The following USH2A variants were observed in gnomAD, a reference collection of about 807,000 sequenced individuals.
USH2A encodes Usher syndrome 2A (autosomal recessive, mild).
USH2A carries 443 observed loss-of-function variants against 538.9 expected under a neutral mutation model. That is an observed-to-expected ratio of 0.82 (90% CI 0.76 to 0.89). The LOEUF is 0.89. Ranked by LOEUF, USH2A falls within the 40% of genes least tolerant of loss-of-function variation. The probability of loss-of-function intolerance (pLI) is 0.00; values close to 1 mark genes in which losing one functional copy is unlikely to be tolerated. For synonymous variants in USH2A, 2,413 were observed against 2,273.5 expected, an observed-to-expected ratio of 1.06 and a Z score of -1.75; for missense variants, 6,633 against 6,324.8, an observed-to-expected ratio of 1.05 and a Z score of -1.65.
chr1:215,925,199 A>G (rs977135062), intron 38 of USH2A, among the ~76,000 whole-genome samples: 6 of 152,166 alleles, frequency 3.9e-5, no homozygotes, highest in Admixed American at 1.3e-4. Context: ...AACACTTTTC[A>G]GGAAAGGATT....
chr1:215,791,433 T>A (rs998268695), intron 50 of USH2A, among the ~76,000 whole-genome samples: 3 of 152,086 alleles, frequency 2.0e-5, no homozygotes, highest in Admixed American at 6.6e-5. Context: ...AAAGTGCTTT[T>A]AAAAAAAATC....
intron 4 of USH2A, among the ~76,000 whole-genome samples, chr1:216,332,118 C>A (rs553330568): frequency 1.5e-4 from 23 of 152,216 alleles, no homozygotes; most frequent in African/African-American, 5.5e-4. Context: ...AACCAGCAGC[C>A]TAGTTACTGC....
intron 35 of USH2A, among the ~76,000 whole-genome samples, chr1:215,984,253 T>C (rs552620469): frequency 6.6e-6 from 1 of 152,356 alleles, no homozygotes; most frequent in Non-Finnish European, 1.5e-5. Flanking sequence ...TTTTCAGGCT[T>C]TTTCTTGCTT....
At chr1:216,067,076 C>T (rs1222869590) in intron 30 of USH2A, among the ~76,000 whole-genome samples, 8 of 152,044 alleles carry the variant, frequency 5.3e-5, no homozygotes, top group Non-Finnish European at 1.0e-4. Context: ...TAGGGGGAGA[C>T]CCAGACAAAG....
intron 58 of USH2A, among the ~76,000 whole-genome samples, chr1:215,747,915 CG>C (rs1178510987): frequency 1.4e-5 from 2 of 146,246 alleles, no homozygotes; most frequent in African/African-American, 5.1e-5. Flanking sequence ...GACGGAGTCT[CG>C]CTCTGTCGCC....
rs1668465073 is a variant in USH2A, at chr1:216,008,571, C to T, written c.6326-8009G>A. ...GCACATGAAATTTGGTGCCGTGACT[C>T]GGATCGGGGGACCTCCCTTGGGAGA... is the stretch of plus-strand genomic sequence containing the variant. On this transcript the variant is annotated intron_variant, in intron 32 of 71. Transcript: ENST00000307340. 2.6e-5 allele frequency among the ~76,000 whole-genome samples: 4 copies of T among 152,252 alleles called. 1 individual carries two copies. The highest frequency in any genetic ancestry group is 4.1e-4 in the South Asian group (2 of 4,828).
chr1:216,364,535 T>C (rs1404006160), intron 4 of USH2A, among the ~76,000 whole-genome samples: 3 of 152,226 alleles, frequency 2.0e-5, no homozygotes, highest in African/African-American at 7.2e-5. Context: ...GAGATCCTCC[T>C]GACTGTGAGT....
At chr1:215,663,564 T>C (rs1230080013) in intron 64 of USH2A, among the ~76,000 whole-genome samples, 2 of 152,098 alleles carry the variant, frequency 1.3e-5, no homozygotes, top group Non-Finnish European at 2.9e-5. Flanking sequence ...CTGGAAGCAT[T>C]TCCCGCATAC....
At chr1:215,694,502 G>A (rs1045407486) in intron 61 of USH2A, among the ~76,000 whole-genome samples, 2 of 152,182 alleles carry the variant, frequency 1.3e-5, no homozygotes, top group African/African-American at 2.4e-5. Flanking sequence ...GAACCCGGGA[G>A]GCGGAGCTTA....
intron 4 of USH2A, among the ~76,000 whole-genome samples, chr1:216,348,581 C>T (rs964778509): frequency 2.6e-5 from 4 of 151,998 alleles, no homozygotes. Flanking sequence ...TCCATCAAAG[C>T]CAATTTTAAA....
At chr1:215,757,936 C>T (rs1357632322) in intron 58 of USH2A, among the ~76,000 whole-genome samples, 1 of 152,134 alleles carries the variant, frequency 6.6e-6, no homozygotes, top group East Asian at 1.9e-4. Context: ...TCTAAGGAGT[C>T]CCATGGAAAT....
intron 41 of USH2A, among the ~76,000 whole-genome samples, chr1:215,882,861 A>C (rs537960233): frequency 6.6e-6 from 1 of 152,294 alleles, no homozygotes; most frequent in African/African-American, 2.4e-5. Flanking sequence ...TTTTATGCTA[A>C]AAATAAAATT....
intron 21 of USH2A, among the ~76,000 whole-genome samples, chr1:216,149,960 C>A (rs921134521): frequency 6.6e-6 from 1 of 152,098 alleles, no homozygotes; most frequent in Non-Finnish European, 1.5e-5. Flanking sequence ...TACTCTCCCC[C>A]ACTTCCCTTA....
Position 216,422,472 on chromosome 1 carries a change from A to G in USH2A, c.-136T>C. On this transcript the variant is annotated 5_prime_UTR_variant, in exon 2 of 72. Transcript: ENST00000307340. The stretch of plus-strand genomic sequence containing the variant: ...ACTCCATTTTCTGGAAACTGCAGAC[A>G]CGTTCTCAGAGTAAGGTAATACCAA... 5.4e-6 allele frequency: 7 copies of G among 1,305,198 alleles called. No individual in the cohort carries two copies. The highest frequency in any genetic ancestry group is 7.5e-6 in the Non-Finnish European group (7 of 935,136). The allele number at this position is 1,305,198 out of a possible 1,614,324, so 80.9% of individuals were successfully genotyped here. A position where few individuals can be genotyped will look rare whatever the true frequency, so the allele number is the denominator to read the frequency against.
chr1:216,199,580 C>T (rs2034933503), intron 17 of USH2A, 47 bp downstream of exon 17: 3 of 1,612,758 alleles, frequency 1.9e-6, no homozygotes, highest in African/African-American at 1.3e-5. Flanking sequence ...AATAGATTCT[C>T]ATTCATGTCT....
chr1:216,328,647 G>C (rs1438140605), intron 4 of USH2A, among the ~76,000 whole-genome samples: 1 of 151,842 alleles, frequency 6.6e-6, no homozygotes, highest in Non-Finnish European at 1.5e-5. Flanking sequence ...CTGCTCCTTG[G>C]TGGTTGCTTG....
intron 70 of USH2A, among the ~76,000 whole-genome samples, chr1:215,633,463 G>A (rs1656376383): frequency 6.6e-6 from 1 of 152,160 alleles, no homozygotes; most frequent in East Asian, 1.9e-4. Context: ...CTATGTTGGG[G>A]CTTAACCAGT....
In USH2A at chr1:216,208,923, G is replaced by C. The variant is rs1430932700; in HGVS notation, c.3158-1492C>G. ...ACTCAGTGCACAGGGTTTTTATTGGGGGCTGTTCCTATGAGCAGCCTCTAT... is the reference window on the plus strand; with the variant it reads ...ACTCAGTGCACAGGGTTTTTATTGGCGGCTGTTCCTATGAGCAGCCTCTAT... On this transcript the variant is annotated intron_variant, in intron 15 of 71. Coordinates refer to ENST00000307340, the MANE Select transcript of USH2A (RefSeq NM_206933.4). Among the ~76,000 whole-genome samples the C allele has an allele frequency of 2.0e-5, 3 of 152,180 alleles. No individual in the cohort carries two copies. The East Asian group carries it at 5.8e-4, about 29-fold the overall frequency.
At chr1:215,912,921 G>A (rs1163454145) in intron 38 of USH2A, among the ~76,000 whole-genome samples, 2 of 152,018 alleles carry the variant, frequency 1.3e-5, no homozygotes, top group African/African-American at 2.4e-5. Context: ...TGGCCTTGCA[G>A]CCATACCATG....
Sources: gnomAD v4.1 joint callset for allele counts (sites outside exome capture counted in the v4.1 genomes callset) on GRCh38, gnomAD v4.1.1 for gene constraint, MANE v1.5 for transcripts, NCBI Gene and HGNC (gene_info 2026-07-23, HGNC 2026-07-21) for gene names.